Variants in GPC3 observed in about 807,000 individuals in gnomAD.
GPC3 encodes the protein glypican 3.
Under a neutral mutation model 34.4 loss-of-function variants are expected in GPC3, and 3 were observed. The observed-to-expected ratio is 0.09, with a 90% confidence interval of 0.04 to 0.23. The LOEUF is 0.23. Ranked by LOEUF, GPC3 falls within the 10% of genes least tolerant of loss-of-function variation. The pLI is 1.00. For synonymous variants in GPC3, 177 were observed against 174.0 expected (o/e 1.02, Z -0.13); for missense variants, 351 against 445.6 (o/e 0.79, Z 1.91).
chrX:133,763,750 A>G, intron 2 of GPC3: 1 of 456,481 alleles, frequency 2.2e-6, no homozygotes. Flanking sequence ...ATCAGTTTCA[A>G]AAAAAAAAGT....
chrX:133,665,519 A>G (rs1246165732), intron 5 of GPC3, among the ~76,000 whole-genome samples: 2 of 112,553 alleles, frequency 1.8e-5, no homozygotes, highest in Non-Finnish European at 3.8e-5. Context: ...TCTGACATTC[A>G]TAATTAAAAG....
intron 6 of GPC3, among the ~76,000 whole-genome samples, chrX:133,623,390 T>C (rs1367766634): frequency 1.8e-5 from 2 of 111,660 alleles, no homozygotes; most frequent in Non-Finnish European, 3.8e-5. Flanking sequence ...TCAAGACCCA[T>C]CAGTGTGCTG....
At chrX:133,671,006 C>A (rs773357018) in intron 5 of GPC3, 56 of 535,266 alleles carry the variant, frequency 1.0e-4, no homozygotes, top group East Asian at 1.0e-3. Flanking sequence ...CTACAAAGTT[C>A]ATGACCAACC....
chrX:133,631,686 C>T (rs2070368193), intron 6 of GPC3, among the ~76,000 whole-genome samples: 1 of 111,236 alleles, frequency 9.0e-6, no homozygotes, highest in African/African-American at 3.3e-5. Context: ...TGAGGAACCA[C>T]CATACTGTTT....
At chrX:133,833,867 C>G (rs1473398632) in intron 2 of GPC3, among the ~76,000 whole-genome samples, 3 of 111,814 alleles carry the variant, frequency 2.7e-5, no homozygotes, top group Non-Finnish European at 5.6e-5. Flanking sequence ...GCTGTACACT[C>G]TCTGTGTGTG....
intron 7 of GPC3, 48 bp from the exon 8 acceptor site, chrX:133,536,341 T>C (rs773422912): frequency 2.1e-6 from 2 of 944,429 alleles, no homozygotes. Context: ...ACCCATAGCC[T>C]CAGTATAACA....
At chrX:133,657,936 G>GAGAGAGAGAGAGA (rs59330472) in intron 6 of GPC3, among the ~76,000 whole-genome samples, 5 of 105,954 alleles carry the variant, frequency 4.7e-5, no homozygotes, top group African/African-American at 1.4e-4. Flanking sequence ...GAGAGAGAGA[G>GAGAGAGAGAGAGA]GAGAAGTATT....
chrX:133,835,686 C>T (rs1156290872), intron 2 of GPC3, among the ~76,000 whole-genome samples: 3 of 111,918 alleles, frequency 2.7e-5, no homozygotes, highest in African/African-American at 9.7e-5. Context: ...AATATGACTC[C>T]AATTTTATTA....
intron 6 of GPC3, among the ~76,000 whole-genome samples, chrX:133,641,306 T>C (rs772712633): frequency 8.2e-5 from 9 of 109,435 alleles, no homozygotes; most frequent in South Asian, 4.1e-4. Context: ...CGAAACCCCG[T>C]GTCTACTAAA....
chrX:133,744,964 A>G (rs1290528048), intron 3 of GPC3, among the ~76,000 whole-genome samples: 2 of 110,432 alleles, frequency 1.8e-5, no homozygotes, highest in African/African-American at 6.6e-5. Flanking sequence ...TTGAACAATG[A>G]GAACACATGG....
intron 6 of GPC3, among the ~76,000 whole-genome samples, chrX:133,623,924 G>A (rs1430781584): frequency 2.7e-5 from 3 of 111,722 alleles, no homozygotes; most frequent in Admixed American, 9.6e-5. Flanking sequence ...GCACTCCTCA[G>A]CAAATATAAA....
intron 2 of GPC3, among the ~76,000 whole-genome samples, chrX:133,776,473 A>G (rs759942992): frequency 2.7e-5 from 3 of 112,102 alleles, no homozygotes; most frequent in African/African-American, 9.7e-5. Flanking sequence ...GGCAAAATGT[A>G]CCTACCTATA....
intron 6 of GPC3, among the ~76,000 whole-genome samples, chrX:133,659,253 G>A (rs2070695531): frequency 8.9e-6 from 1 of 112,238 alleles, no homozygotes; most frequent in Non-Finnish European, 1.9e-5. Context: ...AGATCCATTT[G>A]GATACAAAGC....
At chrX:133,816,138 C>T (rs1023992290) in intron 2 of GPC3, among the ~76,000 whole-genome samples, 1 of 110,950 alleles carries the variant, frequency 9.0e-6, no homozygotes, top group Non-Finnish European at 1.9e-5. Flanking sequence ...GCAGCCCTTA[C>T]CTCTTAGGCT....
chrX:133,710,419 C>G (rs758711319), intron 3 of GPC3, among the ~76,000 whole-genome samples: 1 of 111,899 alleles, frequency 8.9e-6, no homozygotes, highest in African/African-American at 3.2e-5. Flanking sequence ...GAAGATCAAG[C>G]GAAACAATGG....
intron 2 of GPC3, among the ~76,000 whole-genome samples, chrX:133,885,076 T>C (rs1204430277): frequency 8.9e-6 from 1 of 112,132 alleles, no homozygotes; most frequent in Non-Finnish European, 1.9e-5. Flanking sequence ...AATATTTTGC[T>C]CTTGCAAACA....
At chrX:133,805,458 T>A (rs889588144) in intron 2 of GPC3, among the ~76,000 whole-genome samples, 1 of 112,036 alleles carries the variant, frequency 8.9e-6, no homozygotes, top group African/African-American at 3.2e-5. Context: ...TAGAGCTGAA[T>A]GGAAGGGAGC....
At chrX:133,751,435 G>A (rs2071667327) in intron 3 of GPC3, among the ~76,000 whole-genome samples, 1 of 112,292 alleles carries the variant, frequency 8.9e-6, no homozygotes. Flanking sequence ...ATTAGCCACT[G>A]AAGAACACCG....
At position 133,535,929 on chromosome X, in the gene GPC3, T is replaced by C. The variant is rs2069281828; in HGVS notation, c.*195A>G. 7.0e-6 allele frequency: 3 copies of C among 427,235 alleles called. No homozygotes were observed. Among genetic ancestry groups the C allele is most frequent in the Non-Finnish European group, 1.2e-5 (3 of 248,010 alleles). 35.2% of individuals were successfully genotyped at this position (427,235 alleles called of 1,213,427 possible). On this transcript the variant is annotated 3_prime_UTR_variant, in exon 8 of 8. Transcript: ENST00000370818. ...AAAAGGACAATCTATATGCTACCACTAAAATGTATCTTCCTCCAAAAGATA... is the reference window on the plus strand; with the variant it reads ...AAAAGGACAATCTATATGCTACCACCAAAATGTATCTTCCTCCAAAAGATA...
Sources: allele counts gnomAD v4.1 joint callset (sites outside exome capture counted in the v4.1 genomes callset), GRCh38; gene constraint gnomAD v4.1.1; transcripts MANE v1.5; gene names NCBI Gene and HGNC (gene_info 2026-07-23, HGNC 2026-07-21).